WAC: variants seen among roughly 807,000 people sequenced by gnomAD.
WAC encodes the protein WW domain containing adaptor with coiled-coil.
A neutral mutation model predicts 79.6 loss-of-function variants in WAC; 11 were observed. The observed-to-expected ratio is 0.14, with a 90% confidence interval of 0.09 to 0.23. The LOEUF (loss-of-function observed/expected upper bound fraction) is 0.23, where lower values mean the gene tolerates loss of function less well. Among genes scored for constraint, WAC ranks in the 10% least tolerant of loss-of-function variants. WAC has a pLI of 1.00. For missense variants in WAC, 728 were observed against 773.5 expected (o/e 0.94, Z 0.70); for synonymous variants, 304 against 276.9 (o/e 1.10, Z -0.97).
At chr10:28,595,658 T>C (rs1159771225) in intron 6 of WAC, 75 bp from the exon 7 acceptor site, 61 of 1,412,012 alleles carry the variant, frequency 4.3e-5, no homozygotes, top group Non-Finnish European at 5.8e-5. Flanking sequence ...ATGTTAAAGG[T>C]AGGATTCTAA....
chr10:28,611,958 T>G (rs751383407), intron 10 of WAC, 36 bp downstream of exon 10: 2 of 1,600,844 alleles, frequency 1.2e-6, no homozygotes, highest in South Asian at 2.3e-5. Context: ...GAAAAGAAAC[T>G]ACTTACTTTT....
At chr10:28,581,848 TTTC>T (rs1839555463) in intron 3 of WAC, among the ~76,000 whole-genome samples, 1 of 152,172 alleles carries the variant, frequency 6.6e-6, no homozygotes, top group African/African-American at 2.4e-5. Context: ...TTTTGACTGA[TTTC>T]TTCTTGATTC....
chr10:28,544,098 G>T (rs982089064), intron 3 of WAC, among the ~76,000 whole-genome samples: 26 of 152,188 alleles, frequency 1.7e-4, no homozygotes, highest in Admixed American at 1.1e-3. Flanking sequence ...GGCCAGGCTG[G>T]TCTTGAACTC....
intron 8 of WAC, among the ~76,000 whole-genome samples, chr10:28,610,415 G>A (rs994110491): frequency 6.6e-6 from 1 of 151,896 alleles, no homozygotes; most frequent in African/African-American, 2.4e-5. Flanking sequence ...GTGAACACTC[G>A]TTAAATTTTG....
At chr10:28,568,423 C>A (rs531583387) in intron 3 of WAC, among the ~76,000 whole-genome samples, 5 of 152,132 alleles carry the variant, frequency 3.3e-5, no homozygotes, top group Non-Finnish European at 7.3e-5. Flanking sequence ...CACTGTCAGC[C>A]GGGCTGGTGT....
chr10:28,590,316 A>G (rs1296495679), intron 5 of WAC, among the ~76,000 whole-genome samples: 1 of 144,584 alleles, frequency 6.9e-6, no homozygotes. Context: ...TATCTCAAAA[A>G]AAAAAAAAAA....
At chr10:28,574,860 G>GT (rs1291478511) in intron 3 of WAC, among the ~76,000 whole-genome samples, 1 of 152,218 alleles carries the variant, frequency 6.6e-6, no homozygotes, top group East Asian at 1.9e-4. Context: ...TTGGTCGGTG[G>GT]TTTTTTTCAT....
chr10:28,617,612 T>A, intron 12 of WAC, 45 bp from the exon 13 acceptor site: 1 of 1,493,380 alleles, frequency 6.7e-7, no homozygotes, highest in Non-Finnish European at 8.9e-7. Flanking sequence ...ATTTTGTGTA[T>A]GTTAATGTTT....
chr10:28,541,438 T>TTTTC (rs1160972122), intron 3 of WAC, among the ~76,000 whole-genome samples: 1 of 143,532 alleles, frequency 7.0e-6, no homozygotes, highest in Non-Finnish European at 1.5e-5. Context: ...TTTTTTTTTT[T>TTTTC]TTTTTTTTAA....
intron 3 of WAC, among the ~76,000 whole-genome samples, chr10:28,570,285 A>G (rs946036831): frequency 6.6e-6 from 1 of 152,178 alleles, no homozygotes; most frequent in Admixed American, 6.5e-5. Context: ...TATTCTAAGT[A>G]TTTTTAGTGG....
At chr10:28,541,415 G>GTGTTTTTTTTTTTTTTT (rs1212601285) in intron 3 of WAC, among the ~76,000 whole-genome samples, 1 of 37,904 alleles carries the variant, frequency 2.6e-5, no homozygotes. Context: ...GTGTGTGTGT[G>GTGTTTTTTTTTTTTTTT]TTTTGTTTTT....
At chr10:28,576,398 A>G (rs1048673172) in intron 3 of WAC, among the ~76,000 whole-genome samples, 2 of 152,322 alleles carry the variant, frequency 1.3e-5, no homozygotes, top group East Asian at 1.9e-4. Flanking sequence ...GAACCTGTCA[A>G]CAAAGGAATC....
chr10:28,617,281 G>A (rs1461030475), intron 12 of WAC, among the ~76,000 whole-genome samples: 1 of 152,144 alleles, frequency 6.6e-6, no homozygotes, highest in African/African-American at 2.4e-5. Context: ...TGTGTCTTAC[G>A]ATAGAGGAGT....
chr10:28,543,025 TA>T (rs1564374062), intron 3 of WAC, among the ~76,000 whole-genome samples: 1 of 152,276 alleles, frequency 6.6e-6, no homozygotes, highest in Non-Finnish European at 1.5e-5. Context: ...AATGGATAGA[TA>T]AAAAAAATTT....
chr10:28,543,772 T>G (rs1264597305), intron 3 of WAC, among the ~76,000 whole-genome samples: 2 of 152,226 alleles, frequency 1.3e-5, no homozygotes, highest in East Asian at 3.8e-4. Context: ...CCTTGTATCT[T>G]CTCATTTAAG....
intron 7 of WAC, among the ~76,000 whole-genome samples, chr10:28,605,341 T>C (rs1157298323): frequency 6.6e-6 from 1 of 152,234 alleles, no homozygotes; most frequent in Non-Finnish European, 1.5e-5. Flanking sequence ...ATGCCCAGGC[T>C]TCCGTTCAGT....
Position 28,595,831 on chromosome 10 carries a change from G to T in WAC, c.709G>T (p.Ala237Ser), listed in dbSNP as rs1485375455. 2.5e-6 allele frequency: 4 copies of T among 1,614,014 alleles called. No individual in the cohort carries two copies. The East Asian group carries it at 8.9e-5, about 36-fold the overall frequency. The change falls in exon 7 of 14, where the codon GCA (alanine) becomes TCA (serine). Residue 237 changes from alanine (A) to serine (S), a missense_variant. By Grantham distance (99) the Ala-to-Ser change is moderately conservative (BLOSUM62 1). This residue lies in a region of WAC where 648 missense variants were observed against 661.5 expected (regional missense o/e 0.98). Coordinates refer to ENST00000354911, the MANE Select transcript of WAC (RefSeq NM_016628.5). ...TGACAGAGACTACAGACTGCCAAGA[G>T]CAGAGACTCACAGTAGTTCTACGCC... ...HNDRDYRLPR[A>S]ETHSSSTPVQ...
intron 3 of WAC, among the ~76,000 whole-genome samples, chr10:28,582,902 T>TG (rs1409900958): frequency 7.2e-5 from 11 of 152,276 alleles, no homozygotes; most frequent in Non-Finnish European, 2.9e-5. Flanking sequence ...TTTAACTTCT[T>TG]GAAAAAAGTT....
At chr10:28,561,249 A>G (rs1838285932) in intron 3 of WAC, among the ~76,000 whole-genome samples, 1 of 152,202 alleles carries the variant, frequency 6.6e-6, no homozygotes, top group Admixed American at 6.5e-5. Flanking sequence ...ACAGTAATAC[A>G]AGGTGATGAT....
Sources: gnomAD v4.1 joint callset for allele counts (sites outside exome capture counted in the v4.1 genomes callset) on GRCh38, gnomAD v4.1.1 for gene constraint, gnomAD v4.1.1 regional missense constraint, MANE v1.5 for transcripts, NCBI Gene and HGNC (gene_info 2026-07-23, HGNC 2026-07-21) for gene names.